The following DPP10 variants were observed in gnomAD, a reference collection of about 807,000 sequenced individuals.
DPP10 encodes the protein inactive dipeptidyl peptidase 10.
Under a neutral mutation model 120.9 loss-of-function variants are expected in DPP10, and 33 were observed. The observed-to-expected ratio is 0.27, with a 90% CI of 0.21 to 0.37. The LOEUF is 0.37. Among genes scored for constraint, DPP10 ranks in the 10% least tolerant of loss-of-function variants. The probability of loss-of-function intolerance (pLI) is 1.00; values close to 1 mark genes in which losing one functional copy is unlikely to be tolerated. For missense variants in DPP10, 816 were observed against 942.8 expected (o/e 0.87, Z 1.76); for synonymous variants, 337 against 326.1 (o/e 1.03, Z -0.36).
At chr2:115,274,808 C>T (rs776958492) in intron 1 of DPP10, among the ~76,000 whole-genome samples, 23 of 152,182 alleles carry the variant, frequency 1.5e-4, no homozygotes, top group Non-Finnish European at 2.9e-5. Flanking sequence ...ACATAATTGG[C>T]TGCTAATTAA....
intron 1 of DPP10, among the ~76,000 whole-genome samples, chr2:115,186,814 A>G (rs1046702711): frequency 1.3e-5 from 2 of 152,096 alleles, no homozygotes; most frequent in African/African-American, 2.4e-5. Context: ...ATGGGGAGAC[A>G]GTTGGAGAGT....
intron 7 of DPP10, among the ~76,000 whole-genome samples, chr2:115,707,644 C>G (rs557496806): frequency 9.2e-5 from 14 of 151,714 alleles, no homozygotes; most frequent in African/African-American, 3.4e-4. Flanking sequence ...GAAGACTGAA[C>G]ACAACTTAAA....
At chr2:115,485,234 GT>G (rs1225274406) in intron 3 of DPP10, among the ~76,000 whole-genome samples, 5 of 55,798 alleles carry the variant, frequency 9.0e-5, no homozygotes, top group Admixed American at 2.8e-4. Flanking sequence ...CTTTAACACT[GT>G]TCCAAAAAAA....
chr2:115,052,994 C>T (rs993504198), intron 1 of DPP10, among the ~76,000 whole-genome samples: 3 of 150,448 alleles, frequency 2.0e-5, no homozygotes, highest in Non-Finnish European at 4.4e-5. Flanking sequence ...TTGGTGGGCA[C>T]GTGAGAGAAC....
At chr2:114,811,527 C>T (rs1284543618) in intron 1 of DPP10, among the ~76,000 whole-genome samples, 1 of 152,008 alleles carries the variant, frequency 6.6e-6, no homozygotes, top group African/African-American at 2.4e-5. Context: ...TCCGTTCCAC[C>T]ATGACAATAA....
chr2:115,202,324 CT>C (rs1440242826), intron 1 of DPP10, among the ~76,000 whole-genome samples: 4 of 152,084 alleles, frequency 2.6e-5, no homozygotes, highest in Non-Finnish European at 5.9e-5. Flanking sequence ...AGTAAAATCA[CT>C]CTAGTTTGTC....
At chr2:115,220,953 T>TAC (rs2057120451) in intron 1 of DPP10, among the ~76,000 whole-genome samples, 1 of 54,358 alleles carries the variant, frequency 1.8e-5, no homozygotes, top group Non-Finnish European at 4.7e-5. Flanking sequence ...ACTAAAATAT[T>TAC]ATATAATCAG....
chr2:115,045,206 T>C (rs148979669), intron 1 of DPP10, among the ~76,000 whole-genome samples: 1 of 152,304 alleles, frequency 6.6e-6, no homozygotes, highest in African/African-American at 2.4e-5. Context: ...ATAAAAAGAT[T>C]TTTGTTTTCT....
rs745894129 is a variant in DPP10 at position 115,836,538 on chromosome 2, G to T, written c.2082G>T (p.Met694Ile). The T allele has an allele frequency of 6.2e-7, 1 of 1,613,674 alleles. No homozygotes were observed. The highest frequency in any genetic ancestry group is 2.2e-5 in the East Asian group (1 of 44,832). ...CTTTCTCTGAAAGATACCTTGGGAT[G>T]CCATCTAAGGAAGAAAGCACTTACC... ...ASAFSERYLG[M>I]PSKEESTYQA... is the part of the protein sequence containing the mutation. Residue 694 changes from methionine to isoleucine, a missense_variant, in exon 23 of 26, where the codon ATG becomes ATT. Met to Ile is a conservative substitution (Grantham distance 10). This residue lies in a region of DPP10 where 592 missense variants were observed against 649.0 expected (regional missense o/e 0.91). Coordinates refer to ENST00000410059, the MANE Select transcript of DPP10 (RefSeq NM_020868.6).
intron 3 of DPP10, among the ~76,000 whole-genome samples, chr2:115,453,560 A>C (rs1299467729): frequency 6.6e-6 from 1 of 151,686 alleles, no homozygotes; most frequent in Non-Finnish European, 1.5e-5. Flanking sequence ...AAAAGAGGTC[A>C]CAAGAAATTG....
chr2:115,085,292 A>C (rs1370564740), intron 1 of DPP10, among the ~76,000 whole-genome samples: 2 of 151,752 alleles, frequency 1.3e-5, no homozygotes, highest in Non-Finnish European at 2.9e-5. Context: ...TTTCTGTCCC[A>C]CCTCCACCAA....
At chr2:115,421,869 C>CAAA (rs10610510) in intron 3 of DPP10, among the ~76,000 whole-genome samples, 9 of 46,884 alleles carry the variant, frequency 1.9e-4, no homozygotes, top group African/African-American at 5.7e-4. Flanking sequence ...GACTCCATCT[C>CAAA]AAAAAAAAAA....
At chr2:114,788,722 G>A (rs1682986633) in intron 1 of DPP10, among the ~76,000 whole-genome samples, 1 of 152,130 alleles carries the variant, frequency 6.6e-6, no homozygotes, top group African/African-American at 2.4e-5. Flanking sequence ...GGATATGATT[G>A]TTTTAATTTT....
At chr2:115,165,446 A>G (rs755343151) in intron 1 of DPP10, among the ~76,000 whole-genome samples, 1 of 152,220 alleles carries the variant, frequency 6.6e-6, no homozygotes, top group South Asian at 2.1e-4. Flanking sequence ...ATGTGCACAA[A>G]TTTACCTTGA....
At chr2:115,622,833 T>TTTTTTTTTG (rs2085063573) in intron 5 of DPP10, among the ~76,000 whole-genome samples, 1 of 122,424 alleles carries the variant, frequency 8.2e-6, no homozygotes, top group African/African-American at 2.7e-5. Context: ...TTTATTCTTT[T>TTTTTTTTTG]TTTTTTTTTT....
At chr2:114,956,332 C>A (rs1257893067) in intron 1 of DPP10, among the ~76,000 whole-genome samples, 4 of 150,616 alleles carry the variant, frequency 2.7e-5, no homozygotes. Context: ...GAAATCTATC[C>A]CATTTACAGT....
chr2:115,814,715 A>G, intron 19 of DPP10, 78 bp from the exon 20 acceptor site: 1 of 1,208,354 alleles, frequency 8.3e-7, no homozygotes, highest in Non-Finnish European at 1.1e-6. Context: ...CCATTACTTA[A>G]CTTGTGAGTA....
intron 3 of DPP10, among the ~76,000 whole-genome samples, chr2:115,370,715 T>C (rs1448407993): frequency 2.0e-5 from 3 of 152,074 alleles, no homozygotes; most frequent in Admixed American, 1.3e-4. Context: ...ACAGAAAATA[T>C]AAGATTAATC....
chr2:115,083,389 A>G (rs890027912), intron 1 of DPP10, among the ~76,000 whole-genome samples: 1 of 152,196 alleles, frequency 6.6e-6, no homozygotes, highest in Admixed American at 6.5e-5. Flanking sequence ...AACATATCCC[A>G]AAGTATGTAA....
Sources: gnomAD v4.1 joint callset for allele counts (sites outside exome capture counted in the v4.1 genomes callset) on GRCh38, gnomAD v4.1.1 for gene constraint, gnomAD v4.1.1 regional missense constraint, MANE v1.5 for transcripts, NCBI Gene and HGNC (gene_info 2026-07-23, HGNC 2026-07-21) for gene names.